The following CTIF variants were observed in gnomAD, a reference collection of about 807,000 sequenced individuals.
The protein encoded by CTIF is cap binding complex dependent translation initiation factor, also known as CBP80/20-dependent translation initiation factor.
CTIF carries 21 observed loss-of-function variants against 66.0 expected under a neutral mutation model. That is an observed-to-expected ratio of 0.32 (90% CI 0.23 to 0.46). The LOEUF is 0.46. Among genes scored for constraint, CTIF ranks in the 20% least tolerant of loss-of-function variants. The pLI is 1.00. For synonymous variants in CTIF, 345 were observed against 326.4 expected, an observed-to-expected ratio of 1.06 and a Z score of -0.62; for missense variants, 739 against 812.7, an observed-to-expected ratio of 0.91 and a Z score of 1.10.
chr18:48,653,544 T>C (rs1030082016), intron 3 of CTIF, among the ~76,000 whole-genome samples: 60 of 152,162 alleles, frequency 3.9e-4, no homozygotes, highest in Non-Finnish European at 8.1e-4. Flanking sequence ...AAAATAGCCA[T>C]ACTGCCCAAG....
At chr18:48,549,709 T>C (rs972933670) in intron 1 of CTIF, among the ~76,000 whole-genome samples, 10 of 152,190 alleles carry the variant, frequency 6.6e-5, no homozygotes, top group African/African-American at 2.2e-4. Context: ...ATTCCCCTGC[T>C]GAAGATTCTA....
rs138747617 is a variant in CTIF at position 48,746,384 on chromosome 18, G to A, written c.585-11535G>A. On this transcript the variant is annotated intron_variant, in intron 7 of 11. Transcript: ENST00000256413. ...GAGATGCTTATGTTTGGGACACCAGGGTCACAGCTTGCTGGCCTGATGAAG... is the reference window on the plus strand; with the variant it reads ...GAGATGCTTATGTTTGGGACACCAGAGTCACAGCTTGCTGGCCTGATGAAG... Among the ~76,000 whole-genome samples the A allele has an allele frequency of 2.6e-5, 4 of 151,932 alleles. No individual in the cohort carries two copies. The East Asian group carries it at 5.8e-4, about 22-fold the overall frequency.
At chr18:48,829,035 C>G (rs1358366787) in intron 10 of CTIF, among the ~76,000 whole-genome samples, 1 of 152,152 alleles carries the variant, frequency 6.6e-6, no homozygotes, top group Non-Finnish European at 1.5e-5. Context: ...CAGAGCTGAG[C>G]TGAAGGTGGG....
At chr18:48,724,891 C>G (rs79072624) in intron 7 of CTIF, among the ~76,000 whole-genome samples, 1 of 152,234 alleles carries the variant, frequency 6.6e-6, no homozygotes, top group Non-Finnish European at 1.5e-5. Context: ...TGCAGGAATA[C>G]GACTGCCCTT....
intron 7 of CTIF, among the ~76,000 whole-genome samples, chr18:48,745,259 T>G (rs545596667): frequency 6.6e-6 from 1 of 152,228 alleles, no homozygotes; most frequent in African/African-American, 2.4e-5. Context: ...TTATAGGCAC[T>G]GTAGTGATGT....
intron 7 of CTIF, among the ~76,000 whole-genome samples, chr18:48,716,260 T>C (rs2092281113): frequency 6.6e-6 from 1 of 152,156 alleles, no homozygotes; most frequent in Non-Finnish European, 1.5e-5. Context: ...TGCACAATGG[T>C]GCCTTGACTC....
chr18:48,698,562 C>T (rs1479938631), intron 6 of CTIF, among the ~76,000 whole-genome samples: 1 of 152,146 alleles, frequency 6.6e-6, no homozygotes, highest in African/African-American at 2.4e-5. Context: ...AAATGTTGGG[C>T]ACCACTAATT....
intron 3 of CTIF, among the ~76,000 whole-genome samples, chr18:48,655,882 C>T (rs77191523): frequency 0.01 from 1,592 of 152,346 alleles, 16 homozygotes; most frequent in Non-Finnish European, 0.016. Context: ...TGTCATTACA[C>T]ACATGCCCCC....
chr18:48,707,845 C>T (rs947488989), intron 6 of CTIF, among the ~76,000 whole-genome samples: 14 of 152,192 alleles, frequency 9.2e-5, no homozygotes, highest in Non-Finnish European at 1.9e-4. Flanking sequence ...ACAGAAGGAA[C>T]GCAGCATCCC....
At chr18:48,789,515 G>C (rs1344921474) in intron 9 of CTIF, among the ~76,000 whole-genome samples, 1 of 152,194 alleles carries the variant, frequency 6.6e-6, no homozygotes, top group African/African-American at 2.4e-5. Context: ...CATCAGGTGT[G>C]CACTAATATT....
intron 2 of CTIF, among the ~76,000 whole-genome samples, chr18:48,627,339 A>G (rs1424422658): frequency 6.6e-6 from 1 of 152,222 alleles, no homozygotes; most frequent in Non-Finnish European, 1.5e-5. Context: ...TCACAGGGAA[A>G]GACAGACAAT....
intron 7 of CTIF, among the ~76,000 whole-genome samples, chr18:48,717,642 G>T (rs568777877): frequency 1.0e-3 from 153 of 152,192 alleles, no homozygotes; most frequent in African/African-American, 3.5e-3. Context: ...ATTTTGTACT[G>T]TGTGAATTAT....
At chr18:48,814,346 C>T (rs888348699) in intron 9 of CTIF, among the ~76,000 whole-genome samples, 20 of 152,174 alleles carry the variant, frequency 1.3e-4, no homozygotes, top group Non-Finnish European at 7.3e-5. Context: ...CTGAGCCCCA[C>T]CCTGACCAGT....
Position 48,825,826 on chromosome 18 carries a change from C to T in CTIF, c.1527+8450C>T, listed in dbSNP as rs115454106. ...TGAGAAGCTTTTACTACATTACAAA[C>T]TCTCAGACCCCTTCTTCAACCAATT... On this transcript the variant is annotated intron_variant, in intron 10 of 11. Transcript: ENST00000256413. Among the ~76,000 whole-genome samples, 656 of 152,360 alleles carry T rather than the reference C, an allele frequency of 4.3e-3. 2 individuals are homozygous for T. The highest frequency in any genetic ancestry group is 0.015 in the African/African-American group (618 of 41,584).
At chr18:48,654,576 A>G (rs911220769) in intron 3 of CTIF, among the ~76,000 whole-genome samples, 20 of 152,360 alleles carry the variant, frequency 1.3e-4, no homozygotes, top group African/African-American at 4.6e-4. Context: ...TGATTCCTCA[A>G]GGATCTAGAA....
chr18:48,798,456 A>C (rs1201532584), intron 9 of CTIF, among the ~76,000 whole-genome samples: 2 of 152,164 alleles, frequency 1.3e-5, no homozygotes, highest in East Asian at 3.9e-4. Flanking sequence ...CAAGTGGGAA[A>C]GTGCTTGCAG....
chr18:48,847,059 C>T (rs533232495), intron 10 of CTIF, among the ~76,000 whole-genome samples: 1 of 152,132 alleles, frequency 6.6e-6, no homozygotes, highest in East Asian at 1.9e-4. Context: ...CCTGTAATAC[C>T]AGCACTTTGG....
rs188285682 is a variant in CTIF at position 48,798,544 on chromosome 18, G to A, written c.1372-18677G>A. On this transcript the variant is annotated intron_variant, in intron 9 of 11. Transcript: ENST00000256413. ...TTAAGTTAGCACAGTACTGAGTTCC[G>A]AGTCCCATGAAGTAACTGTGTGGCA... 2.7e-4 allele frequency among the ~76,000 whole-genome samples: 41 copies of A among 152,316 alleles called. No individual in the cohort carries two copies. The East Asian group carries it at 6.6e-3, about 24-fold the overall frequency.
chr18:48,762,263 C>G (rs767810401), intron 9 of CTIF, among the ~76,000 whole-genome samples: 1 of 152,242 alleles, frequency 6.6e-6, no homozygotes, highest in Non-Finnish European at 1.5e-5. Context: ...TATCCCTTCA[C>G]CTCTGACAGT....
Sources: allele counts gnomAD v4.1 joint callset (sites outside exome capture counted in the v4.1 genomes callset), GRCh38; gene constraint gnomAD v4.1.1; transcripts MANE v1.5; gene names NCBI Gene and HGNC (gene_info 2026-07-23, HGNC 2026-07-21).